PEX5L: variants seen among roughly 807,000 people sequenced by gnomAD.
PEX5L encodes the protein PEX5-related protein.
In PEX5L, 30 loss-of-function variants were observed where a neutral mutation model predicts 84.0. The ratio of observed to expected loss-of-function variants is 0.36; its 90% CI spans 0.27 to 0.48. The LOEUF (loss-of-function observed/expected upper bound fraction) is 0.48, where lower values mean the gene tolerates loss of function less well. PEX5L is among the 20% of genes least tolerant of loss of function. The probability of loss-of-function intolerance (pLI) is 0.99; values close to 1 mark genes in which losing one functional copy is unlikely to be tolerated. For missense variants in PEX5L, 533 were observed against 754.6 expected, an observed-to-expected ratio of 0.71 and a Z score of 3.44; for synonymous variants, 270 against 283.1, an observed-to-expected ratio of 0.95 and a Z score of 0.46.
At chr3:179,809,756 T>A in intron 11 of PEX5L, 88 bp from the exon 12 acceptor site, 2 of 868,202 alleles carry the variant, frequency 2.3e-6, no homozygotes, top group Non-Finnish European at 3.5e-6. Flanking sequence ...CTTTATTAAC[T>A]AAATACTGCA....
chr3:179,939,307 CT>C (rs1237188389), intron 2 of PEX5L, among the ~76,000 whole-genome samples: 2 of 152,146 alleles, frequency 1.3e-5, no homozygotes, highest in Admixed American at 6.5e-5. Flanking sequence ...AGTCCAGTGG[CT>C]CTCAAAGTAT....
At chr3:179,833,318 A>G (rs562079958) in intron 8 of PEX5L, among the ~76,000 whole-genome samples, 2 of 152,372 alleles carry the variant, frequency 1.3e-5, no homozygotes, top group South Asian at 4.1e-4. Context: ...GTGTCTCAAC[A>G]TATTTGACCT....
Position 180,027,661 on chromosome 3 carries a change from T to G in PEX5L, c.21+8918A>C, listed in dbSNP as rs1199983872. Reference sequence around the variant, plus strand: ...AAAAATGTAAAAACAAAAATAATACTGATCAAAAGTCCATATATGAGTTCT... The same window carrying G: ...AAAAATGTAAAAACAAAAATAATACGGATCAAAAGTCCATATATGAGTTCT... On this transcript the variant is annotated intron_variant, in intron 1 of 14. Transcript: ENST00000467460. 2.0e-5 allele frequency among the ~76,000 whole-genome samples: 3 copies of G among 152,186 alleles called. No individual in the cohort carries two copies. In the East Asian group the frequency reaches 5.8e-4, roughly 29 times the overall value.
intron 8 of PEX5L, among the ~76,000 whole-genome samples, chr3:179,848,098 C>T (rs2108414250): frequency 6.6e-6 from 1 of 152,148 alleles, no homozygotes; most frequent in East Asian, 1.9e-4. Flanking sequence ...CTGCAGATCT[C>T]ATTATTGTTC....
At chr3:180,023,299 A>T (rs752652247) in intron 1 of PEX5L, among the ~76,000 whole-genome samples, 1 of 152,220 alleles carries the variant, frequency 6.6e-6, no homozygotes, top group Non-Finnish European at 1.5e-5. Context: ...CACTGTCACA[A>T]AAAGTGACTA....
chr3:179,875,598 TGAAA>T, intron 5 of PEX5L, 121 bp from the exon 6 acceptor site: 2 of 667,568 alleles, frequency 3.0e-6, no homozygotes, highest in Non-Finnish European at 4.9e-6. Context: ...TAATTAAGAT[TGAAA>T]AATCTTATCC....
chr3:179,905,162 T>G (rs1022020882), intron 2 of PEX5L, among the ~76,000 whole-genome samples: 1 of 152,158 alleles, frequency 6.6e-6, no homozygotes, highest in African/African-American at 2.4e-5. Context: ...TGGCAAGTAA[T>G]ATCCATGCTT....
At chr3:179,971,521 T>G (rs1352636751) in intron 2 of PEX5L, 73 bp downstream of exon 2, 1 of 1,494,244 alleles carries the variant, frequency 6.7e-7, no homozygotes, top group East Asian at 2.5e-5. Flanking sequence ...AGAGAAGGGC[T>G]GAACACTCAA....
Position 179,796,683 on chromosome 3 carries a change from CT to C in PEX5L, c.*5144del, listed in dbSNP as rs1717110879. 6.6e-6 allele frequency: 1 copy of C among 152,104 alleles called. No individual in the cohort carries two copies. Among genetic ancestry groups the C allele is most frequent in the African/African-American group, 2.4e-5 (1 of 41,396 alleles). 9.4% of individuals were successfully genotyped at this position (152,104 alleles called of 1,614,324 possible). On this transcript the variant is annotated 3_prime_UTR_variant, in exon 15 of 15. Coordinates refer to ENST00000467460, the MANE Select transcript of PEX5L (RefSeq NM_016559.3). Reference sequence around the variant, plus strand: ...TGTAAGACCACATGGTCTCACTGAGCTTTGCTCTCTCCCTTTCTGGTCTCCT... The same window carrying C: ...TGTAAGACCACATGGTCTCACTGAGCTTGCTCTCTCCCTTTCTGGTCTCCT...
At position 180,004,843 on chromosome 3, in the gene PEX5L, C is replaced by G. The variant is rs141147682; in HGVS notation, c.21+31736G>C. Among the ~76,000 whole-genome samples the G allele has an allele frequency of 3.0e-3, 463 of 151,818 alleles. 2 individuals are homozygous for G. The highest frequency in any genetic ancestry group is 0.011 in the African/African-American group (440 of 41,372). ...CCTTCACCAACTGTTTAATCTGAATCATGCTATAAGAATTTGAATAAAAGA... is the reference window on the plus strand; with the variant it reads ...CCTTCACCAACTGTTTAATCTGAATGATGCTATAAGAATTTGAATAAAAGA... On this transcript the variant is annotated intron_variant, in intron 1 of 14. Coordinates refer to ENST00000467460, the MANE Select transcript of PEX5L (RefSeq NM_016559.3).
chr3:179,810,013 T>C (rs1723139936), intron 11 of PEX5L, among the ~76,000 whole-genome samples: 1 of 130,654 alleles, frequency 7.7e-6, no homozygotes, highest in East Asian at 2.2e-4. Context: ...TTTTTTTTTT[T>C]TTTTTTTTTT....
At chr3:179,986,181 T>TATATATATATATATATATATATATATAA (rs58775648) in intron 1 of PEX5L, among the ~76,000 whole-genome samples, 1 of 149,878 alleles carries the variant, frequency 6.7e-6, no homozygotes, top group African/African-American at 2.4e-5. Context: ...TATATATATA[T>TATATATATATATATATATATATATATAA]AACTTTATGT....
intron 8 of PEX5L, among the ~76,000 whole-genome samples, chr3:179,856,918 A>G (rs1264597929): frequency 6.6e-6 from 1 of 152,204 alleles, no homozygotes; most frequent in Non-Finnish European, 1.5e-5. Context: ...GTGATATGAA[A>G]CTAAAGTAGA....
At chr3:179,883,466 G>C (rs1002896420) in intron 4 of PEX5L, among the ~76,000 whole-genome samples, 1 of 152,198 alleles carries the variant, frequency 6.6e-6, no homozygotes, top group African/African-American at 2.4e-5. Context: ...CATAAAATAA[G>C]GCAGCACAGG....
chr3:179,863,836 T>C (rs919798840), intron 7 of PEX5L, among the ~76,000 whole-genome samples: 15 of 152,152 alleles, frequency 9.9e-5, no homozygotes, highest in Admixed American at 3.3e-4. Flanking sequence ...GGTATATATC[T>C]GATATGGTTT....
chr3:179,980,157 C>G (rs568612683), intron 1 of PEX5L, among the ~76,000 whole-genome samples: 12 of 152,196 alleles, frequency 7.9e-5, no homozygotes, highest in African/African-American at 2.6e-4. Flanking sequence ...AAAAATTTGC[C>G]TATGAAATTT....
intron 2 of PEX5L, among the ~76,000 whole-genome samples, chr3:179,920,969 C>A (rs563552025): frequency 1.3e-5 from 2 of 152,132 alleles, no homozygotes; most frequent in South Asian, 4.2e-4. Flanking sequence ...ACAATGAAGT[C>A]CCATTTTCCT....
At position 179,807,720 on chromosome 3, in the gene PEX5L, A is replaced by C; in HGVS notation, c.1630T>G (p.Ser544Ala). 6.2e-7 allele frequency: 1 copy of C among 1,614,156 alleles called. No homozygotes were observed. Among genetic ancestry groups the C allele is most frequent in the Non-Finnish European group, 8.5e-7 (1 of 1,180,020 alleles). ...ALEIQPGFIR[S>A]RYNLGISCIN... is the part of the protein sequence containing the mutation. ...CAGCTTATTCCTAGGTTGTATCTGG[A>C]CCGGATGAATCCTGGCTGAATCTCC... Residue 544 changes from serine to alanine, a missense_variant, in exon 14 of 15, where the codon TCC becomes GCC. This residue lies in a region of PEX5L where 105 missense variants were observed against 204.6 expected (regional missense o/e 0.51). Coordinates refer to ENST00000467460, the MANE Select transcript of PEX5L (RefSeq NM_016559.3).
At chr3:179,902,704 T>C (rs1337154287) in intron 2 of PEX5L, 1 of 456,338 alleles carries the variant, frequency 2.2e-6, no homozygotes, top group Non-Finnish European at 4.4e-6. Flanking sequence ...ACTTAAAGTA[T>C]GCAATTCCAC....
Sources: allele counts gnomAD v4.1 joint callset (sites outside exome capture counted in the v4.1 genomes callset), GRCh38; gene constraint gnomAD v4.1.1; regional missense constraint gnomAD v4.1.1; transcripts MANE v1.5; gene names NCBI Gene and HGNC (gene_info 2026-07-23, HGNC 2026-07-21).